QKI: variants seen among roughly 807,000 people sequenced by gnomAD.
QKI encodes KH domain-containing RNA-binding protein QKI.
Under a neutral mutation model 39.0 loss-of-function variants are expected in QKI, and 10 were observed. That is an observed-to-expected ratio of 0.26 (90% CI 0.16 to 0.43). The LOEUF is 0.43. QKI is among the 20% of genes least tolerant of loss of function. The pLI is 1.00. For missense variants in QKI, 218 were observed against 428.0 expected, an observed-to-expected ratio of 0.51 and a Z score of 4.33; for synonymous variants, 204 against 155.4, an observed-to-expected ratio of 1.31 and a Z score of -2.33.
chr6:163,417,939 A>G (rs1392977106), intron 1 of QKI, among the ~76,000 whole-genome samples: 1 of 152,188 alleles, frequency 6.6e-6, no homozygotes, highest in Non-Finnish European at 1.5e-5. Flanking sequence ...TATAAACTTA[A>G]TTTGACTTAA....
intron 1 of QKI, among the ~76,000 whole-genome samples, chr6:163,427,346 T>C (rs897516665): frequency 1.3e-5 from 2 of 151,462 alleles, no homozygotes; most frequent in Admixed American, 1.3e-4. Context: ...GAAAATACTT[T>C]CAAAATAACA....
At chr6:163,541,568 C>T (rs1285017148) in intron 4 of QKI, among the ~76,000 whole-genome samples, 1 of 147,548 alleles carries the variant, frequency 6.8e-6, no homozygotes, top group African/African-American at 2.5e-5. Context: ...TCCATTCATT[C>T]ATTGTAAAGA....
intron 3 of QKI, among the ~76,000 whole-genome samples, chr6:163,498,406 G>A (rs1778542020): frequency 6.6e-6 from 1 of 152,080 alleles, no homozygotes; most frequent in Non-Finnish European, 1.5e-5. Flanking sequence ...GTAATTTTAT[G>A]TTTTGAGATA....
At chr6:163,530,371 T>C (rs149155684) in intron 3 of QKI, among the ~76,000 whole-genome samples, 19 of 152,320 alleles carry the variant, frequency 1.2e-4, no homozygotes, top group African/African-American at 4.6e-4. Flanking sequence ...TATGGATATT[T>C]TAAGTTCAGA....
chr6:163,452,375 A>T (rs1362029010), intron 1 of QKI, among the ~76,000 whole-genome samples: 2 of 152,132 alleles, frequency 1.3e-5, no homozygotes, highest in African/African-American at 4.8e-5. Flanking sequence ...AAATTGAGTG[A>T]TATATCTTAG....
intron 3 of QKI, among the ~76,000 whole-genome samples, chr6:163,512,001 C>T (rs575359175): frequency 6.6e-6 from 1 of 151,848 alleles, no homozygotes; most frequent in East Asian, 1.9e-4. Flanking sequence ...TACTGCATTA[C>T]CAAGAGAGGT....
intron 3 of QKI, among the ~76,000 whole-genome samples, chr6:163,482,369 G>A (rs1419618915): frequency 3.3e-5 from 5 of 152,048 alleles, no homozygotes; most frequent in Admixed American, 1.3e-4. Flanking sequence ...GATGTTGTAA[G>A]GGTTTCTCCC....
chr6:163,534,885 A>G, intron 3 of QKI, 97 bp from the exon 4 acceptor site: 3 of 1,029,098 alleles, frequency 2.9e-6, no homozygotes, highest in African/African-American at 1.6e-5. Context: ...AATAATGCAA[A>G]CATAGCTGAA....
intron 5 of QKI, among the ~76,000 whole-genome samples, chr6:163,563,013 A>G (rs1783127422): frequency 6.6e-6 from 1 of 152,230 alleles, no homozygotes. Context: ...CTAAAGCTGT[A>G]CTTTAGAAAT....
chr6:163,549,230 A>G (rs958858420), intron 4 of QKI, among the ~76,000 whole-genome samples: 5 of 152,040 alleles, frequency 3.3e-5, no homozygotes, highest in Non-Finnish European at 2.9e-5. Flanking sequence ...GAGGTTGGTG[A>G]TGATGAAATT....
At chr6:163,455,570 T>G (rs1790854723) in intron 2 of QKI, 149 bp downstream of exon 2, 1 of 833,620 alleles carries the variant, frequency 1.2e-6, no homozygotes. Context: ...CATGATAATT[T>G]AAAAAATTTC....
chr6:163,535,005 C>A lies in QKI; in HGVS notation c.426C>A (p.Pro142=). ...AGGAGGAGCAAAATAGAGGCAAGCC[C>A]AATTGGGAGCATCTAAATGAAGATT... is the stretch of plus-strand genomic sequence containing the variant. ...KKKEEQNRGK[P]NWEHLNEDLH... The change falls in exon 4 of 8, where the codon CCC becomes CCA. Residue 142 remains proline, a synonymous_variant. Coordinates refer to ENST00000361752, the MANE Select transcript of QKI (RefSeq NM_006775.3). 3.1e-6 allele frequency: 5 copies of A among 1,609,090 alleles called. No individual in the cohort carries two copies. Among genetic ancestry groups the A allele is most frequent in the Non-Finnish European group, 4.2e-6 (5 of 1,177,904 alleles).
chr6:163,502,658 A>G (rs1398018614), intron 3 of QKI, among the ~76,000 whole-genome samples: 1 of 152,166 alleles, frequency 6.6e-6, no homozygotes, highest in African/African-American at 2.4e-5. Context: ...ATCATTTTGA[A>G]CTTATTTTAT....
chr6:163,561,467 G>C (rs535454750), intron 4 of QKI, among the ~76,000 whole-genome samples: 1 of 152,158 alleles, frequency 6.6e-6, no homozygotes, highest in South Asian at 2.1e-4. Flanking sequence ...AATTAGCCAG[G>C]CATGGTGGCG....
At chr6:163,558,063 A>G (rs1292634058) in intron 4 of QKI, among the ~76,000 whole-genome samples, 1 of 152,212 alleles carries the variant, frequency 6.6e-6, no homozygotes, top group African/African-American at 2.4e-5. Flanking sequence ...TTCCCGATCA[A>G]GGTTCTGCAG....
intron 3 of QKI, among the ~76,000 whole-genome samples, chr6:163,521,054 G>A (rs1156802388): frequency 6.6e-6 from 1 of 152,004 alleles, no homozygotes; most frequent in East Asian, 1.9e-4. Flanking sequence ...AGAAGAATGG[G>A]TGTGTGAAAT....
At chr6:163,513,294 A>G (rs981348319) in intron 3 of QKI, among the ~76,000 whole-genome samples, 3 of 152,028 alleles carry the variant, frequency 2.0e-5, no homozygotes, top group Admixed American at 2.0e-4. Flanking sequence ...AATGAGACAA[A>G]CTTTGTAAAA....
At chr6:163,432,707 C>T (rs946239103) in intron 1 of QKI, among the ~76,000 whole-genome samples, 1 of 151,854 alleles carries the variant, frequency 6.6e-6, no homozygotes, top group African/African-American at 2.4e-5. Context: ...TCTCTTTCCC[C>T]ACTTTGTTAT....
chr6:163,499,296 A>G (rs1345099688), intron 3 of QKI, among the ~76,000 whole-genome samples: 1 of 152,144 alleles, frequency 6.6e-6, no homozygotes, highest in Non-Finnish European at 1.5e-5. Context: ...CATATCTTGG[A>G]CCAATTTGTA....
Sources: allele counts gnomAD v4.1 joint callset (sites outside exome capture counted in the v4.1 genomes callset), GRCh38; gene constraint gnomAD v4.1.1; transcripts MANE v1.5; gene names NCBI Gene and HGNC (gene_info 2026-07-23, HGNC 2026-07-21).